OPCML: variants seen among roughly 807,000 people sequenced by gnomAD.
The protein encoded by OPCML is opioid-binding protein/cell adhesion molecule.
OPCML carries 13 observed loss-of-function variants against 37.8 expected under a neutral mutation model. That is an observed-to-expected ratio of 0.34 (90% CI 0.22 to 0.55). The LOEUF is 0.55. OPCML is among the 20% of genes least tolerant of loss of function. OPCML has a pLI of 0.91. For synonymous variants in OPCML, 176 were observed against 168.8 expected, an observed-to-expected ratio of 1.04 and a Z score of -0.33; for missense variants, 341 against 435.6, an observed-to-expected ratio of 0.78 and a Z score of 1.93.
At chr11:133,473,110 A>G (rs1232967420) in intron 1 of OPCML, among the ~76,000 whole-genome samples, 1 of 152,186 alleles carries the variant, frequency 6.6e-6, no homozygotes, top group Non-Finnish European at 1.5e-5. Flanking sequence ...ATTCTTCAGG[A>G]AAGATGAGTC....
chr11:132,482,340 G>C (rs2096183624), intron 4 of OPCML, among the ~76,000 whole-genome samples: 1 of 151,874 alleles, frequency 6.6e-6, no homozygotes, highest in Non-Finnish European at 1.5e-5. Flanking sequence ...TAAATTCCTT[G>C]ACACATACAC....
chr11:132,439,469 C>G (rs1234080037), intron 4 of OPCML, among the ~76,000 whole-genome samples: 2 of 152,190 alleles, frequency 1.3e-5, no homozygotes, highest in South Asian at 2.1e-4. Context: ...ATGATCCAGG[C>G]TAGTTCATAC....
chr11:132,569,537 A>G (rs900856708), intron 3 of OPCML, among the ~76,000 whole-genome samples: 2 of 152,176 alleles, frequency 1.3e-5, no homozygotes, highest in Non-Finnish European at 2.9e-5. Flanking sequence ...ATTTCAGGAG[A>G]TAATGGCTAA....
chr11:133,448,344 T>C (rs1946512404), intron 1 of OPCML, among the ~76,000 whole-genome samples: 1 of 152,236 alleles, frequency 6.6e-6, no homozygotes, highest in Non-Finnish European at 1.5e-5. Flanking sequence ...CAGTTGACCA[T>C]AAATAACACG....
intron 1 of OPCML, among the ~76,000 whole-genome samples, chr11:133,180,515 G>C (rs561134431): frequency 6.6e-6 from 1 of 152,092 alleles, no homozygotes; most frequent in Admixed American, 6.5e-5. Flanking sequence ...AGGGGCAAGA[G>C]GATCTGCACA....
intron 1 of OPCML, among the ~76,000 whole-genome samples, chr11:133,526,229 G>A (rs567124698): frequency 1.6e-4 from 25 of 152,334 alleles, no homozygotes; most frequent in Non-Finnish European, 2.8e-4. Context: ...ATGTATGGCC[G>A]TGTCTGGCAC....
intron 3 of OPCML, among the ~76,000 whole-genome samples, chr11:132,650,163 T>G (rs896225527): frequency 6.6e-6 from 1 of 151,906 alleles, no homozygotes; most frequent in Non-Finnish European, 1.5e-5. Flanking sequence ...AACCAAAAAG[T>G]GAACAACAAG....
intron 3 of OPCML, 184 bp from the exon 4 acceptor site, chr11:132,529,370 G>A: frequency 3.8e-6 from 1 of 266,594 alleles, no homozygotes; most frequent in Non-Finnish European, 5.8e-6. Flanking sequence ...TATGGTAGAA[G>A]GAGCTCTATA....
At chr11:133,523,513 G>A (rs963532328) in intron 1 of OPCML, among the ~76,000 whole-genome samples, 2 of 152,142 alleles carry the variant, frequency 1.3e-5, no homozygotes, top group Non-Finnish European at 2.9e-5. Context: ...GTAGTCTTCC[G>A]ACTAGTCTAT....
chr11:133,082,651 T>C (rs1948750160), intron 1 of OPCML, among the ~76,000 whole-genome samples: 1 of 40,474 alleles, frequency 2.5e-5, no homozygotes, highest in South Asian at 1.2e-3. Flanking sequence ...CTGCGCCGAG[T>C]GGCACAGCCC....
Position 133,033,571 on chromosome 11 carries a change from T to G in OPCML, c.62-90561A>C, listed in dbSNP as rs147242207. Among the ~76,000 whole-genome samples the G allele has an allele frequency of 2.4e-3, 362 of 152,352 alleles. 4 individuals are homozygous for G. The East Asian group carries it at 0.029, about 12-fold the overall frequency. ...CAACTTCCAGGGAATAAAGCTTTTC[T>G]TATGGTTTGTGTAACTTTACTTTGT... is the stretch of plus-strand genomic sequence containing the variant. On this transcript the variant is annotated intron_variant, in intron 1 of 7. Coordinates refer to ENST00000524381, the MANE Select transcript of OPCML (RefSeq NM_001012393.5).
intron 1 of OPCML, chr11:133,360,807 G>C (rs1485341766): frequency 6.6e-6 from 1 of 152,214 alleles, no homozygotes; most frequent in African/African-American, 2.4e-5. Flanking sequence ...ATCAGCTCCA[G>C]CTCTCAGGCA....
At chr11:133,115,489 G>T (rs571639013) in intron 1 of OPCML, among the ~76,000 whole-genome samples, 1 of 152,182 alleles carries the variant, frequency 6.6e-6, no homozygotes, top group South Asian at 2.1e-4. Flanking sequence ...AGTCGAATGT[G>T]ATTAACAAAA....
intron 2 of OPCML, among the ~76,000 whole-genome samples, chr11:132,779,717 G>A (rs543834971): frequency 2.1e-4 from 32 of 152,198 alleles, no homozygotes; most frequent in African/African-American, 6.5e-4. Context: ...TAATGAGGTC[G>A]GAGCTCCAGT....
rs1452417433 is a variant in OPCML at position 132,437,328 on chromosome 11, G to A, written c.537C>T (p.Tyr179=). 6.2e-7 allele frequency: 1 copy of A among 1,614,198 alleles called. No individual in the cohort carries two copies. Residue 179 remains tyrosine, a synonymous_variant, in exon 5 of 8, where the codon TAC becomes TAT. Transcript: ENST00000524381. ...EGQGFVSEDE[Y]LEISDIKRDQ... The stretch of plus-strand genomic sequence containing the variant: ...CTCGCTTGATGTCAGAGATCTCCAG[G>A]TACTCATCCTCACTTACAAAGCCCT...
intron 3 of OPCML, among the ~76,000 whole-genome samples, chr11:132,559,817 A>G (rs929522684): frequency 2.0e-5 from 3 of 152,192 alleles, no homozygotes; most frequent in Admixed American, 6.5e-5. Context: ...GCAGCTCTGA[A>G]GTTTGTGCTA....
chr11:132,763,926 A>G (rs1304289903), intron 2 of OPCML, among the ~76,000 whole-genome samples: 3 of 152,222 alleles, frequency 2.0e-5, no homozygotes, highest in Admixed American at 2.0e-4. Flanking sequence ...TAAATAAATC[A>G]ACTTGTGAAT....
At chr11:133,272,332 A>G (rs983001664) in intron 1 of OPCML, among the ~76,000 whole-genome samples, 2 of 152,148 alleles carry the variant, frequency 1.3e-5, no homozygotes, top group African/African-American at 4.8e-5. Flanking sequence ...AGCCCAGAAT[A>G]TCATGCAAAT....
Position 133,314,744 on chromosome 11 carries a change from G to T in OPCML, c.61+217520C>A, listed in dbSNP as rs187657292. 1.5e-3 allele frequency among the ~76,000 whole-genome samples: 229 copies of T among 152,236 alleles called. 6 individuals carry two copies. The highest frequency in any genetic ancestry group is 0.014 in the Middle Eastern group (4 of 294). ...ACCATCAGGCACGCCTGGCCAGGACGCTAAGGCTCCATGTGCCCACGGCTC... is the reference window on the plus strand; with the variant it reads ...ACCATCAGGCACGCCTGGCCAGGACTCTAAGGCTCCATGTGCCCACGGCTC... On this transcript the variant is annotated intron_variant, in intron 1 of 7. Transcript: ENST00000524381.
Sources: allele counts gnomAD v4.1 joint callset (sites outside exome capture counted in the v4.1 genomes callset), GRCh38; gene constraint gnomAD v4.1.1; transcripts MANE v1.5; gene names NCBI Gene and HGNC (gene_info 2026-07-23, HGNC 2026-07-21).